The following DAG1 variants were observed in gnomAD, a reference collection of about 807,000 sequenced individuals.
The protein encoded by DAG1 is dystroglycan 1.
In DAG1, 8 loss-of-function variants were observed where a neutral mutation model predicts 46.1. The ratio of observed to expected loss-of-function variants is 0.17; its 90% CI spans 0.10 to 0.31. The LOEUF is 0.31. Ranked by LOEUF, DAG1 falls within the 10% of genes least tolerant of loss-of-function variation. The pLI is 1.00. For missense variants in DAG1, 1,003 were observed against 1,189.9 expected (o/e 0.84, Z 2.31); for synonymous variants, 495 against 481.8 (o/e 1.03, Z -0.36).
At chr3:49,469,357 C>T (rs1460466197), upstream of DAG1, among the ~76,000 whole-genome samples, 2 of 152,210 alleles carry the variant, frequency 1.3e-5, no homozygotes, top group Admixed American at 1.3e-4. Flanking sequence ...CTGTCAGTTT[C>T]AGTAACTGTG....
At chr3:49,473,127 A>C (rs1342758769) in intron 1 of DAG1, among the ~76,000 whole-genome samples, 1 of 150,398 alleles carries the variant, frequency 6.6e-6, no homozygotes, top group Non-Finnish European at 1.5e-5. Context: ...AATAAAACAA[A>C]ACAACTGGCC....
At chr3:49,474,882 C>T (rs1315619028) in intron 1 of DAG1, among the ~76,000 whole-genome samples, 4 of 151,080 alleles carry the variant, frequency 2.6e-5, no homozygotes, top group Admixed American at 1.3e-4. Flanking sequence ...CATGATCTCG[C>T]CTCACTGCAA....
chr3:49,504,857 C>T (rs1327480778), intron 1 of DAG1, among the ~76,000 whole-genome samples: 3 of 148,684 alleles, frequency 2.0e-5, no homozygotes, highest in Non-Finnish European at 3.0e-5. Context: ...GTGATCCACC[C>T]GCCTCGGCCT....
chr3:49,496,948 G>A (rs1374066329), intron 1 of DAG1, among the ~76,000 whole-genome samples: 2 of 151,726 alleles, frequency 1.3e-5, no homozygotes, highest in Non-Finnish European at 2.9e-5. Context: ...GTAGAGATGG[G>A]GGTCTCACTA....
In DAG1 at chr3:49,500,807, C is replaced by T. The variant is rs143735088; in HGVS notation, c.-116-9612C>T. ...GTTCTGGCCACCAAGCTGTATGTGA[C>T]CACGACTGAGTATTTACCTCTGTTT... On this transcript the variant is annotated intron_variant, in intron 1 of 2. Coordinates refer to ENST00000308775, the MANE Select transcript of DAG1 (RefSeq NM_004393.6). Among the ~76,000 whole-genome samples the T allele has an allele frequency of 5.1e-3, 782 of 152,284 alleles. 11 individuals carry two copies. Among genetic ancestry groups the T allele is most frequent in the African/African-American group, 0.018 (745 of 41,542 alleles).
chr3:49,495,285 AT>A (rs2107423500), intron 1 of DAG1, among the ~76,000 whole-genome samples: 1 of 152,310 alleles, frequency 6.6e-6, no homozygotes, highest in Admixed American at 6.5e-5. Context: ...TTTATAATGT[AT>A]TAGTATAAAT....
Position 49,510,551 on chromosome 3 carries a change from G to A in DAG1, c.17G>A (p.Gly6Asp). Residue 6 changes from glycine to aspartate, a missense_variant, in exon 2 of 3, where the codon GGC becomes GAC. Gly to Asp is a moderately conservative substitution (Grantham distance 94). Coordinates refer to ENST00000308775, the MANE Select transcript of DAG1 (RefSeq NM_004393.6). ...GGACCTGGGATGAGGATGTCTGTGG[G>A]CCTCTCGCTGCTGCTGCCCCTCTCG... is the stretch of plus-strand genomic sequence containing the variant. MRMSV[G>D]LSLLLPLSGR... 1.2e-6 allele frequency: 2 copies of A among 1,613,384 alleles called. No individual in the cohort carries two copies. Among genetic ancestry groups the A allele is most frequent in the East Asian group, 2.2e-5 (1 of 44,882 alleles).
Position 49,510,783 on chromosome 3 carries a change from A to G in DAG1, c.249A>G (p.Pro83=), listed in dbSNP as rs761119069. ...GGCGCTCATTTCGAGTGACCATTCC[A>G]ACAGATTTGATTGCCTCCAGTGGAG... The part of the protein sequence containing the change: ...VVGRSFRVTI[P]TDLIASSGDI... The change falls in exon 2 of 3, where the codon CCA becomes CCG. Residue 83 remains proline, a synonymous_variant. Coordinates refer to ENST00000308775, the MANE Select transcript of DAG1 (RefSeq NM_004393.6). 1 of 1,614,136 alleles carries G rather than the reference A, an allele frequency of 6.2e-7. No homozygotes were observed. Among genetic ancestry groups the G allele is most frequent in the East Asian group, 2.2e-5 (1 of 44,884 alleles).
At chr3:49,509,739 T>C (rs1226175606) in intron 1 of DAG1, among the ~76,000 whole-genome samples, 4 of 152,008 alleles carry the variant, frequency 2.6e-5, no homozygotes, top group Non-Finnish European at 4.4e-5. Flanking sequence ...ATTTTATTGT[T>C]TTTTTTTGAG....
chr3:49,478,902 C>T (rs2049780865), intron 1 of DAG1, among the ~76,000 whole-genome samples: 1 of 141,084 alleles, frequency 7.1e-6, no homozygotes, highest in Non-Finnish European at 1.5e-5. Flanking sequence ...CAACCTCTGC[C>T]TCCCGGGTTC....
rs767044425 is a variant in DAG1 at position 49,532,835 on chromosome 3, A to G, written c.2324A>G (p.Tyr775Cys). The G allele has an allele frequency of 6.2e-7, 1 of 1,614,058 alleles. No individual in the cohort carries two copies. ...LIAGIIAMIC[Y>C]RKKRKGKLTL... ...GCTGGCATCATTGCCATGATCTGCT[A>G]CCGCAAGAAGCGGAAGGGCAAGCTT... Residue 775 changes from tyrosine (Y) to cysteine (C), a missense_variant, in exon 3 of 3, where the codon TAC becomes TGC. Tyr to Cys is a radical substitution (Grantham distance 194). Transcript: ENST00000308775. This position sits in a 1 kb window ranked among gnomAD's most constrained non-coding sequence, Gnocchi z 5.4.
rs1277865091 is a variant in DAG1, at chr3:49,532,778, C to T, written c.2267C>T (p.Pro756Leu). The T allele has an allele frequency of 8.1e-6, 13 of 1,613,960 alleles. No individual in the cohort carries two copies. The highest frequency in any genetic ancestry group is 1.6e-4 in the Middle Eastern group (1 of 6,084). ...GATGTCTACCTGCACACAGTCATTC[C>T]GGCCGTGGTGGTCGCAGCCATCCTG... ...EDDVYLHTVI[P>L]AVVVAAILLI... Residue 756 changes from proline to leucine, a missense_variant, in exon 3 of 3, where the codon CCG (proline) becomes CTG (leucine). Transcript: ENST00000308775. This position sits in a 1 kb window ranked among gnomAD's most constrained non-coding sequence, Gnocchi z 5.4.
intron 2 of DAG1, among the ~76,000 whole-genome samples, chr3:49,516,822 C>G (rs987705519): frequency 6.6e-6 from 1 of 152,098 alleles, no homozygotes; most frequent in Non-Finnish European, 1.5e-5. Flanking sequence ...GGGTTCAGAT[C>G]TGGGTGCTAG....
At position 49,475,820 on chromosome 3, in the gene DAG1, C is replaced by T. The variant is rs970412242; in HGVS notation, c.-117+5387C>T. Among the ~76,000 whole-genome samples the T allele has an allele frequency of 4.6e-5, 7 of 151,810 alleles. No individual in the cohort carries two copies. The South Asian group carries it at 6.2e-4, about 14-fold the overall frequency. The stretch of plus-strand genomic sequence containing the variant: ...CTGGGTTCATGACATTCTCCTGCCT[C>T]GGCCTCCCGAGTAGCTGGGACTACA... On this transcript the variant is annotated intron_variant, in intron 1 of 2. Transcript: ENST00000308775.
intron 2 of DAG1, among the ~76,000 whole-genome samples, chr3:49,525,683 CG>C (rs1296266674): frequency 6.6e-6 from 1 of 151,690 alleles, no homozygotes; most frequent in Non-Finnish European, 1.5e-5. Flanking sequence ...CTCAGCCTCC[CG>C]AGTAGCTGGG....
intron 1 of DAG1, among the ~76,000 whole-genome samples, chr3:49,487,793 G>A (rs562973133): frequency 6.3e-4 from 93 of 147,190 alleles, no homozygotes; most frequent in Admixed American, 1.1e-3. Context: ...TCCGCCTCCC[G>A]GGTTCAAGCG....
chr3:49,511,066 A>G (rs1575387670), intron 2 of DAG1: 1 of 740,102 alleles, frequency 1.4e-6, no homozygotes, highest in Non-Finnish European at 1.6e-6. Flanking sequence ...TGGAAGTTCT[A>G]CTGAACACTG....
At chr3:49,510,185 T>G (rs904191204) in intron 1 of DAG1, 1 of 492,250 alleles carries the variant, frequency 2.0e-6, no homozygotes, top group Admixed American at 3.7e-5. Flanking sequence ...GCATTTTACA[T>G]TCATTTTTTA....
chr3:49,509,574 C>T (rs1195786841), intron 1 of DAG1, among the ~76,000 whole-genome samples: 1 of 152,142 alleles, frequency 6.6e-6, no homozygotes, highest in African/African-American at 2.4e-5. Flanking sequence ...ATTTTCTTTG[C>T]ATAGCTCCCA....
Sources: gnomAD v4.1 joint callset for allele counts (sites outside exome capture counted in the v4.1 genomes callset) on GRCh38, gnomAD v4.1.1 for gene constraint, Gnocchi (gnomAD v3.1) non-coding constraint, MANE v1.5 for transcripts, NCBI Gene and HGNC (gene_info 2026-07-23, HGNC 2026-07-21) for gene names.